The following B3GNT2 variants were observed in gnomAD, a reference collection of about 807,000 sequenced individuals.
B3GNT2 encodes the protein N-acetyllactosaminide beta-1,3-N-acetylglucosaminyltransferase 2.
Under a neutral mutation model 27.6 loss-of-function variants are expected in B3GNT2, and 12 were observed. That is an observed-to-expected ratio of 0.44 (90% CI 0.28 to 0.71). The LOEUF (loss-of-function observed/expected upper bound fraction) is 0.71, where lower values mean the gene tolerates loss of function less well. B3GNT2 is among the 30% of genes least tolerant of loss of function. The pLI is 0.17. For synonymous variants in B3GNT2, 192 were observed against 189.7 expected (o/e 1.01, Z -0.10); for missense variants, 413 against 488.5 (o/e 0.85, Z 1.46).
chr2:62,196,811 G>C (rs1309991006), intron 1 of B3GNT2, among the ~76,000 whole-genome samples: 2 of 152,022 alleles, frequency 1.3e-5, no homozygotes, highest in African/African-American at 4.8e-5. Flanking sequence ...CGGGCATTTC[G>C]GGGAGGGGGG....
chr2:62,211,418 G>C (rs1024764399), intron 1 of B3GNT2, among the ~76,000 whole-genome samples: 2 of 151,796 alleles, frequency 1.3e-5, no homozygotes. Flanking sequence ...TGGCAGGGGA[G>C]TTAGAGATCC....
chr2:62,209,362 G>T (rs1418223791), intron 1 of B3GNT2, among the ~76,000 whole-genome samples: 1 of 152,164 alleles, frequency 6.6e-6, no homozygotes, highest in South Asian at 2.1e-4. Flanking sequence ...TGCTGTAAAA[G>T]AGATATTAGA....
chr2:62,201,815 G>A (rs1221039706), intron 1 of B3GNT2, among the ~76,000 whole-genome samples: 1 of 152,216 alleles, frequency 6.6e-6, no homozygotes, highest in East Asian at 1.9e-4. Context: ...CTTCTAGAAT[G>A]ACCTTAGGAA....
intron 1 of B3GNT2, among the ~76,000 whole-genome samples, chr2:62,203,371 G>A (rs1261072576): frequency 2.0e-5 from 3 of 152,174 alleles, no homozygotes; most frequent in African/African-American, 7.2e-5. Context: ...CGGGATATGG[G>A]AGTCTGTAGT....
Position 62,222,777 on chromosome 2 carries a change from C to T in B3GNT2, c.557C>T (p.Pro186Leu). The change falls in exon 2 of 2, where the codon CCC (proline) becomes CTC (leucine). Residue 186 changes from proline to leucine, a missense_variant. Coordinates refer to ENST00000301998, the MANE Select transcript of B3GNT2 (RefSeq NM_006577.6). This position sits in a 1 kb window ranked among gnomAD's most constrained non-coding sequence, Gnocchi z 4.2. ...CGAGTCTTCCTGCTGGGCCAGACAC[C>T]CCCAGAGGACAACCACCCCGACCTT... ...VVRVFLLGQT[P>L]PEDNHPDLSD... The T allele has an allele frequency of 6.2e-7, 1 of 1,614,130 alleles. No homozygotes were observed. Among genetic ancestry groups the T allele is most frequent in the Non-Finnish European group, 8.5e-7 (1 of 1,180,020 alleles).
chr2:62,197,076 T>TG (rs990947242), intron 1 of B3GNT2, among the ~76,000 whole-genome samples: 1 of 147,374 alleles, frequency 6.8e-6, no homozygotes, highest in African/African-American at 2.5e-5. Context: ...TTAACCAGGC[T>TG]GCTAGCCCGA....
rs116168824 is a variant in B3GNT2 at position 62,213,941 on chromosome 2, A to G, written c.-9-8271A>G. On this transcript the variant is annotated intron_variant, in intron 1 of 1. Coordinates refer to ENST00000301998, the MANE Select transcript of B3GNT2 (RefSeq NM_006577.6). ...AAATGCTGGGTAAGTCTCAGGTACC[A>G]CGTGCTGGAGTGTAATGGTGGTGCA... Among the ~76,000 whole-genome samples the G allele has an allele frequency of 3.5e-3, 530 of 152,264 alleles. 1 individual carries two copies. The highest frequency in any genetic ancestry group is 0.011 in the African/African-American group (470 of 41,532).
intron 1 of B3GNT2, among the ~76,000 whole-genome samples, chr2:62,204,467 G>T (rs532249220): frequency 4.6e-5 from 7 of 152,346 alleles, no homozygotes; most frequent in African/African-American, 1.7e-4. Flanking sequence ...TCACTGGGAA[G>T]CCGAATGATA....
intron 1 of B3GNT2, among the ~76,000 whole-genome samples, chr2:62,200,657 C>T (rs548274003): frequency 1.3e-4 from 20 of 152,268 alleles, no homozygotes; most frequent in African/African-American, 4.1e-4. Flanking sequence ...AAGAAATAAA[C>T]ATTTTCAGTA....
rs1372352053 is a variant in B3GNT2 at position 62,224,389 on chromosome 2, G to GT, written c.*980dup. ...TCCCTGTCTATGTAGAAGTGCCTGT[G>GT]TTTTTATTTATTGTTCAGATCAAAG... is the stretch of plus-strand genomic sequence containing the variant. On this transcript the variant is annotated 3_prime_UTR_variant, in exon 2 of 2. Transcript: ENST00000301998. The GT allele has an allele frequency of 6.0e-6, 1 of 166,906 alleles. No individual in the cohort carries two copies. The highest frequency in any genetic ancestry group is 2.4e-5 in the African/African-American group (1 of 41,378). 10.3% of individuals were successfully genotyped at this position (166,906 alleles called of 1,614,324 possible).
chr2:62,216,574 T>G (rs1674577444), intron 1 of B3GNT2, among the ~76,000 whole-genome samples: 1 of 151,532 alleles, frequency 6.6e-6, no homozygotes, highest in Non-Finnish European at 1.5e-5. Flanking sequence ...CCCAGCTAAT[T>G]TTTTTTTAAT....
chr2:62,199,474 T>C (rs569595916), intron 1 of B3GNT2, among the ~76,000 whole-genome samples: 27 of 152,208 alleles, frequency 1.8e-4, no homozygotes, highest in African/African-American at 6.3e-4. Flanking sequence ...TTTATAAACA[T>C]TGAGACCTTG....
chr2:62,223,630 G>T lies in B3GNT2; in HGVS notation c.*216G>T. The T allele has an allele frequency of 4.1e-6, 2 of 486,308 alleles. No individual in the cohort carries two copies. Among genetic ancestry groups the T allele is most frequent in the East Asian group, 3.5e-5 (1 of 28,652 alleles). 30.1% of individuals were successfully genotyped at this position (486,308 alleles called of 1,614,324 possible). On this transcript the variant is annotated 3_prime_UTR_variant, in exon 2 of 2. Coordinates refer to ENST00000301998, the MANE Select transcript of B3GNT2 (RefSeq NM_006577.6). ...TTATGGATGATATGGCAGGATGATT[G>T]GTTCTGATCTTACCGGCTAGTGGTC...
At chr2:62,201,949 C>T (rs1041852845) in intron 1 of B3GNT2, among the ~76,000 whole-genome samples, 2 of 152,242 alleles carry the variant, frequency 1.3e-5, no homozygotes, top group Non-Finnish European at 2.9e-5. Context: ...GTGGTCCCTA[C>T]TTGTACCTTT....
chr2:62,216,651 A>C (rs1239660641), intron 1 of B3GNT2, among the ~76,000 whole-genome samples: 3 of 151,654 alleles, frequency 2.0e-5, no homozygotes, highest in Non-Finnish European at 4.4e-5. Flanking sequence ...CAATCCTCTC[A>C]CCCTGGCTTC....
Position 62,223,053 on chromosome 2 carries a change from A to G in B3GNT2, c.833A>G (p.Asn278Ser). The change falls in exon 2 of 2, where the codon AAT becomes AGT. Residue 278 changes from asparagine to serine, a missense_variant. Coordinates refer to ENST00000301998, the MANE Select transcript of B3GNT2 (RefSeq NM_006577.6). The part of the protein sequence containing the change: ...KDLFIGDVIH[N>S]AGPHRDKKLK... ...CTCTTCATAGGTGATGTGATCCACA[A>G]TGCTGGACCTCATCGGGATAAGAAG... 1.9e-6 allele frequency: 3 copies of G among 1,614,228 alleles called. No individual in the cohort carries two copies. Among genetic ancestry groups the G allele is most frequent in the Non-Finnish European group, 2.5e-6 (3 of 1,180,038 alleles).
chr2:62,200,728 CTG>C (rs1193104366), intron 1 of B3GNT2, among the ~76,000 whole-genome samples: 1 of 152,128 alleles, frequency 6.6e-6, no homozygotes, highest in East Asian at 1.9e-4. Context: ...CCTGAAGGAA[CTG>C]TTATTCTTTC....
Position 62,200,133 on chromosome 2 carries a change from C to T in B3GNT2, c.-10+3778C>T, listed in dbSNP as rs181802725. 6.6e-5 allele frequency among the ~76,000 whole-genome samples: 10 copies of T among 152,252 alleles called. No homozygotes were observed. In the East Asian group the frequency reaches 1.9e-3, roughly 29 times the overall value. ...GTGAGTATTAACAACCTCTGCCCAC[C>T]AGCTTTGTCTTTTTGCCTTGTCTTA... On this transcript the variant is annotated intron_variant, in intron 1 of 1. Coordinates refer to ENST00000301998, the MANE Select transcript of B3GNT2 (RefSeq NM_006577.6).
At position 62,223,237 on chromosome 2, in the gene B3GNT2, C is replaced by T. The variant is rs1424506276; in HGVS notation, c.1017C>T (p.Cys339=). 2 of 1,614,148 alleles carry T rather than the reference C, an allele frequency of 1.2e-6. No individual in the cohort carries two copies. Among genetic ancestry groups the T allele is most frequent in the Non-Finnish European group, 1.7e-6 (2 of 1,180,012 alleles). ...YPIDDVYTGM[C]LQKLGLVPEK... ...TTGATGACGTTTATACTGGAATGTG[C>T]CTTCAGAAACTCGGCCTCGTTCCAG... The change falls in exon 2 of 2, where the codon TGC becomes TGT. Residue 339 remains cysteine (C), a synonymous_variant. Transcript: ENST00000301998.
Sources: allele counts gnomAD v4.1 joint callset (sites outside exome capture counted in the v4.1 genomes callset), GRCh38; gene constraint gnomAD v4.1.1; non-coding constraint Gnocchi (gnomAD v3.1); transcripts MANE v1.5; gene names NCBI Gene and HGNC (gene_info 2026-07-23, HGNC 2026-07-21).